PSMB2: variants seen among roughly 807,000 people sequenced by gnomAD.
The protein encoded by PSMB2 is proteasome subunit beta type-2.
PSMB2 carries 13 observed loss-of-function variants against 25.7 expected under a neutral mutation model. The observed-to-expected ratio is 0.51, with a 90% CI of 0.33 to 0.80. The LOEUF (loss-of-function observed/expected upper bound fraction) is 0.80, where lower values mean the gene tolerates loss of function less well. Ranked by LOEUF, PSMB2 falls within the 30% of genes least tolerant of loss-of-function variation. The probability of loss-of-function intolerance (pLI) is 0.02; values close to 1 mark genes in which losing one functional copy is unlikely to be tolerated. For synonymous variants in PSMB2, 87 were observed against 96.2 expected (o/e 0.90, Z 0.56); for missense variants, 202 against 259.0 (o/e 0.78, Z 1.51).
At position 35,609,386 on chromosome 1, in the gene PSMB2, A is replaced by C; in HGVS notation, c.308T>G (p.Leu103Arg). 1 of 1,587,872 alleles carries C rather than the reference A, an allele frequency of 6.3e-7. No homozygotes were observed. Among genetic ancestry groups the C allele is most frequent in the Non-Finnish European group, 8.6e-7 (1 of 1,164,886 alleles). Residue 103 changes from leucine (L) to arginine (R), a missense_variant, in exon 4 of 6, where the codon CTC (leucine) becomes CGC (arginine). Coordinates refer to ENST00000373237, the MANE Select transcript of PSMB2 (RefSeq NM_002794.5). ...RSRTPYHVNL[L>R]LAGYDEHEGP... ...TTCATGCTCATCATAGCCAGCCAGG[A>C]GGAGGTTCACATGATATGGGGTCTG...
Position 35,603,057 on chromosome 1 carries a change from T to C in PSMB2, c.*210A>G. 7.5e-7 allele frequency: 1 copy of C among 1,326,914 alleles called. No homozygotes were observed. The allele number at this position is 1,326,914 out of a possible 1,614,324, so 82.2% of individuals were successfully genotyped here. A position where few individuals can be genotyped will look rare whatever the true frequency, so the allele number is the denominator to read the frequency against. The stretch of plus-strand genomic sequence containing the variant: ...ATGGAGGGCGGAGCAGGAAGAAAAG[T>C]CAGACCTGGCAAAAAGATCATCTTC... On this transcript the variant is annotated 3_prime_UTR_variant, in exon 6 of 6. Coordinates refer to ENST00000373237, the MANE Select transcript of PSMB2 (RefSeq NM_002794.5).
chr1:35,612,292 T>G (rs1650365447), intron 3 of PSMB2, among the ~76,000 whole-genome samples: 1 of 146,810 alleles, frequency 6.8e-6, no homozygotes, highest in African/African-American at 2.5e-5. Flanking sequence ...GCTTCTGGGT[T>G]TTTTTTTTTT....
intron 4 of PSMB2, among the ~76,000 whole-genome samples, chr1:35,608,346 CAG>C (rs962193187): frequency 1.3e-4 from 19 of 148,114 alleles, no homozygotes; most frequent in African/African-American, 4.8e-4. Flanking sequence ...GCCTGGGCGA[CAG>C]AGGGAGACTC....
At chr1:35,610,488 TTTG>T (rs1484434277) in intron 3 of PSMB2, among the ~76,000 whole-genome samples, 4 of 152,196 alleles carry the variant, frequency 2.6e-5, no homozygotes, top group East Asian at 1.9e-4. Context: ...AGTCTCTTTC[TTTG>T]TTGTTGTTTT....
chr1:35,638,917 C>T (rs1282200669), intron 1 of PSMB2, among the ~76,000 whole-genome samples: 1 of 152,150 alleles, frequency 6.6e-6, no homozygotes, highest in East Asian at 1.9e-4. Context: ...AGCATTCTTG[C>T]CTACTCTAAA....
chr1:35,601,242 T>G lies in PSMB2; in HGVS notation c.*2025A>C, dbSNP rs897091644. On this transcript the variant is annotated 3_prime_UTR_variant, in exon 6 of 6. Transcript: ENST00000373237. The stretch of plus-strand genomic sequence containing the variant: ...CCACCACGCCTGGCTAATTGTTATA[T>G]ATTTTTTTAGTAGAGATGGGGTTTC... The G allele has an allele frequency of 4.3e-5, 26 of 607,666 alleles. No homozygotes were observed. The highest frequency in any genetic ancestry group is 4.9e-5 in the Non-Finnish European group (24 of 485,444). The allele number at this position is 607,666 out of a possible 1,614,324, so 37.6% of individuals were successfully genotyped here.
In PSMB2 at chr1:35,603,378, CAG is replaced by C. The variant is rs760930187; in HGVS notation, c.499-6_499-5del. 5 of 1,613,800 alleles carry C rather than the reference CAG, an allele frequency of 3.1e-6. No homozygotes were observed. The highest frequency in any genetic ancestry group is 3.3e-5 in the Admixed American group (2 of 59,978). Reference sequence around the variant, plus strand: ...TCAGGATGAAGCGTTTCTGGAGCTGCAGAGAGACATGGAGGAAATCAGTCAAC... The same window carrying C: ...TCAGGATGAAGCGTTTCTGGAGCTGCAGAGACATGGAGGAAATCAGTCAAC... On this transcript the variant is annotated splice_polypyrimidine_tract_variant and splice_region_variant and intron_variant, in intron 5 of 5. Transcript: ENST00000373237.
Position 35,600,112 on chromosome 1 carries a change from C to T in PSMB2, c.*3155G>A, listed in dbSNP as rs2148558514. The T allele has an allele frequency of 1.1e-6, 1 of 922,964 alleles. No homozygotes were observed. The highest frequency in any genetic ancestry group is 6.2e-5 in the Admixed American group (1 of 16,176). The allele number at this position is 922,964 out of a possible 1,614,324, so 57.2% of individuals were successfully genotyped here. A position where few individuals can be genotyped will look rare whatever the true frequency, so the allele number is the denominator to read the frequency against. ...AAGCTACGATCGTGCCACTGTACTC[C>T]AGCCTAGGTGATGGAGCAAGACCCT... is the stretch of plus-strand genomic sequence containing the variant. On this transcript the variant is annotated 3_prime_UTR_variant, in exon 6 of 6. Coordinates refer to ENST00000373237, the MANE Select transcript of PSMB2 (RefSeq NM_002794.5).
chr1:35,627,705 TG>T (rs1650907845), intron 3 of PSMB2, among the ~76,000 whole-genome samples: 1 of 152,208 alleles, frequency 6.6e-6, no homozygotes, highest in Admixed American at 6.5e-5. Flanking sequence ...AATAACTTTT[TG>T]AAATTGGTAA....
chr1:35,614,557 CA>C (rs566907202), intron 3 of PSMB2, among the ~76,000 whole-genome samples: 8 of 152,300 alleles, frequency 5.3e-5, no homozygotes, highest in Non-Finnish European at 1.0e-4. Context: ...AGAACTGCAA[CA>C]TACAAGACTA....
At chr1:35,628,394 C>T (rs1650927116) in intron 3 of PSMB2, among the ~76,000 whole-genome samples, 1 of 151,100 alleles carries the variant, frequency 6.6e-6, no homozygotes. Context: ...ATTTATTGTG[C>T]CCAAAGCTGG....
At chr1:35,620,323 C>G (rs1405010435) in intron 3 of PSMB2, among the ~76,000 whole-genome samples, 1 of 152,156 alleles carries the variant, frequency 6.6e-6, no homozygotes, top group Non-Finnish European at 1.5e-5. Flanking sequence ...CCAGATCCAA[C>G]AAAAGTTATT....
At chr1:35,639,123 G>C (rs957052340) in intron 1 of PSMB2, among the ~76,000 whole-genome samples, 5 of 151,848 alleles carry the variant, frequency 3.3e-5, no homozygotes, top group African/African-American at 1.2e-4. Context: ...GCATGGTGAC[G>C]GGCGCCTGTA....
chr1:35,617,333 C>A (rs780789120), intron 3 of PSMB2, among the ~76,000 whole-genome samples: 4 of 152,160 alleles, frequency 2.6e-5, no homozygotes, highest in Non-Finnish European at 5.9e-5. Context: ...CCGGCATGAC[C>A]CATCATGCCC....
chr1:35,614,999 C>G (rs746377888), intron 3 of PSMB2, among the ~76,000 whole-genome samples: 6 of 152,142 alleles, frequency 3.9e-5, no homozygotes, highest in African/African-American at 1.4e-4. Flanking sequence ...AAGTACCCAT[C>G]ATTATAAGGT....
At chr1:35,619,142 A>C (rs986378879) in intron 3 of PSMB2, among the ~76,000 whole-genome samples, 1 of 152,214 alleles carries the variant, frequency 6.6e-6, no homozygotes, top group African/African-American at 2.4e-5. Flanking sequence ...GATCCAAAAT[A>C]AAAATATAAA....
intron 3 of PSMB2, among the ~76,000 whole-genome samples, chr1:35,628,596 A>AAAAAAAAATATATAT (rs59538661): frequency 2.4e-4 from 6 of 25,104 alleles, no homozygotes; most frequent in Non-Finnish European, 3.8e-4. Context: ...AAAAAAAAAA[A>AAAAAAAAATATATAT]ATATATATAT....
At chr1:35,615,802 T>C (rs775470426) in intron 3 of PSMB2, among the ~76,000 whole-genome samples, 1 of 152,218 alleles carries the variant, frequency 6.6e-6, no homozygotes, top group South Asian at 2.1e-4. Flanking sequence ...TCTTTTTTGA[T>C]GTGTTGCACC....
chr1:35,619,683 T>G (rs568010306), intron 3 of PSMB2, among the ~76,000 whole-genome samples: 130 of 152,356 alleles, frequency 8.5e-4, no homozygotes, highest in Non-Finnish European at 1.7e-3. Flanking sequence ...TTACTATAAA[T>G]TTTACTTCTC....
Sources: gnomAD v4.1 joint callset for allele counts (sites outside exome capture counted in the v4.1 genomes callset) on GRCh38, gnomAD v4.1.1 for gene constraint, MANE v1.5 for transcripts, NCBI Gene and HGNC (gene_info 2026-07-23, HGNC 2026-07-21) for gene names.